PCDHA1: variants seen among roughly 807,000 people sequenced by gnomAD.
PCDHA1 encodes the protein protocadherin alpha 1.
Under a neutral mutation model 61.3 loss-of-function variants are expected in PCDHA1, and 42 were observed. The ratio of observed to expected loss-of-function variants is 0.69; its 90% confidence interval spans 0.54 to 0.89. The LOEUF (loss-of-function observed/expected upper bound fraction) is 0.89, where lower values mean the gene tolerates loss of function less well. PCDHA1 is among the 40% of genes least tolerant of loss of function. The pLI is 0.00. For missense variants in PCDHA1, 1,256 were observed against 1,235.3 expected (o/e 1.02, Z -0.25); for synonymous variants, 610 against 553.8 (o/e 1.10, Z -1.43).
At position 140,836,007 on chromosome 5, in the gene PCDHA1, G is replaced by T. The variant is rs2150250458; in HGVS notation, c.2394+47323G>T. The T allele has an allele frequency of 5.0e-5, 81 of 1,613,178 alleles. 3 individuals are homozygous for T. In the East Asian group the frequency reaches 1.3e-3, roughly 27 times the overall value. On this transcript the variant is annotated intron_variant, in intron 1 of 3. Transcript: ENST00000504120. ...CCAGGTGAGCGCGCGCGATGCGGGC[G>T]TGCCGCCTCTGGGCAGCAACGTGAC...
chr5:140,983,523 T>G (rs1186391173), intron 3 of PCDHA1, among the ~76,000 whole-genome samples: 1 of 152,224 alleles, frequency 6.6e-6, no homozygotes, highest in East Asian at 1.9e-4. Flanking sequence ...CTGTGCCAAG[T>G]ACATTGTATG....
In PCDHA1 at chr5:140,788,410, T is replaced by G. The variant is rs782121889; in HGVS notation, c.2120T>G (p.Val707Gly). 1.7e-5 allele frequency: 27 copies of G among 1,613,954 alleles called. No individual in the cohort carries two copies. The highest frequency in any genetic ancestry group is 1.7e-5 in the Non-Finnish European group (20 of 1,179,972). ...TACCTGATCATCGCCATCTGCGCGG[T>G]GTCCAGCCTGCTGGTGCTCACACTG... is the stretch of plus-strand genomic sequence containing the variant. ...NVYLIIAICA[V>G]SSLLVLTLLL... Residue 707 changes from valine to glycine, a missense_variant, in exon 1 of 4, where the codon GTG becomes GGG. By Grantham distance (109) the Val-to-Gly change is moderately radical. Coordinates refer to ENST00000504120, the MANE Select transcript of PCDHA1 (RefSeq NM_018900.4).
chr5:140,987,999 C>T (rs543796200), intron 3 of PCDHA1, among the ~76,000 whole-genome samples: 3 of 152,292 alleles, frequency 2.0e-5, no homozygotes, highest in African/African-American at 7.2e-5. Context: ...TCTGATCCTT[C>T]CCCAGAAAGA....
At chr5:140,870,507 A>C (rs782584168) in intron 1 of PCDHA1, 1 of 1,614,128 alleles carries the variant, frequency 6.2e-7, no homozygotes, top group Non-Finnish European at 8.5e-7. Context: ...AGAACAACCC[A>C]CCAGGCTGCC....
In PCDHA1 at chr5:140,891,823, C is replaced by T. The variant is rs186209593; in HGVS notation, c.2395-87126C>T. On this transcript the variant is annotated intron_variant, in intron 1 of 3. Transcript: ENST00000504120. ...TGCCCTCATGAATAAATTAACGGCACTGTAAAAGGACTTGATGGAAGGAGC... is the reference window on the plus strand; with the variant it reads ...TGCCCTCATGAATAAATTAACGGCATTGTAAAAGGACTTGATGGAAGGAGC... Among the ~76,000 whole-genome samples, 1,217 of 152,254 alleles carry T rather than the reference C, an allele frequency of 8.0e-3. 6 individuals carry two copies. The highest frequency in any genetic ancestry group is 0.019 in the African/African-American group (784 of 41,536).
chr5:140,788,762 T>C (rs2149898695), intron 1 of PCDHA1, 78 bp downstream of exon 1: 3 of 1,462,070 alleles, frequency 2.1e-6, no homozygotes, highest in East Asian at 4.7e-5. Flanking sequence ...AATATCACTT[T>C]AAAAAATGTC....
intron 1 of PCDHA1, among the ~76,000 whole-genome samples, chr5:140,904,631 G>A (rs150616068): frequency 0.029 from 4,338 of 152,074 alleles, 82 homozygotes; most frequent in Non-Finnish European, 0.044. Flanking sequence ...GTTCTTTAAG[G>A]AATCTCCACA....
intron 1 of PCDHA1, chr5:140,968,828 C>T (rs1404451202): frequency 6.2e-7 from 1 of 1,614,198 alleles, no homozygotes; most frequent in South Asian, 1.1e-5. Context: ...TTCCAAAATC[C>T]TCCCTGACAC....
intron 1 of PCDHA1, chr5:140,823,652 A>G: frequency 6.2e-7 from 1 of 1,613,972 alleles, no homozygotes; most frequent in Non-Finnish European, 8.5e-7. Context: ...GTGGGGCTGT[A>G]CACAGGCGAG....
At chr5:140,806,727 CAGTT>C (rs1763774653) in intron 1 of PCDHA1, among the ~76,000 whole-genome samples, 1 of 152,180 alleles carries the variant, frequency 6.6e-6, no homozygotes, top group Non-Finnish European at 1.5e-5. Context: ...CAACAGTTTA[CAGTT>C]ACATGTTTAC....
chr5:140,834,415 G>A, intron 1 of PCDHA1: 1 of 1,611,536 alleles, frequency 6.2e-7, no homozygotes, highest in Non-Finnish European at 8.5e-7. Flanking sequence ...GACCCAGGGG[G>A]CCGACATCTA....
At chr5:140,832,758 A>G (rs1554133636) in intron 1 of PCDHA1, among the ~76,000 whole-genome samples, 1 of 152,224 alleles carries the variant, frequency 6.6e-6, no homozygotes, top group Non-Finnish European at 1.5e-5. Flanking sequence ...AGTAAAAGCA[A>G]GAATATTGTA....
At position 140,787,308 on chromosome 5, in the gene PCDHA1, G is replaced by C; in HGVS notation, c.1018G>C (p.Val340Leu). The C allele has an allele frequency of 1.2e-6, 2 of 1,614,204 alleles. No individual in the cohort carries two copies. Among genetic ancestry groups the C allele is most frequent in the South Asian group, 2.2e-5 (2 of 91,088 alleles). Residue 340 changes from valine (V) to leucine (L), a missense_variant, in exon 1 of 4, where the codon GTG (valine) becomes CTG (leucine). Transcript: ENST00000504120. ...AAATCACTGTAAGGTTTTGGTGAAA[G>C]TGCTGGATGTAAATGATAATGCTCC... The part of the protein sequence containing the change: ...MSNHCKVLVK[V>L]LDVNDNAPEL...
chr5:140,991,433 T>G (rs1441155854), intron 3 of PCDHA1, among the ~76,000 whole-genome samples: 1 of 152,194 alleles, frequency 6.6e-6, no homozygotes, highest in Non-Finnish European at 1.5e-5. Context: ...AACCATAAAC[T>G]TCATGGCTTA....
intron 1 of PCDHA1, chr5:140,834,304 A>C: frequency 7.6e-7 from 1 of 1,322,818 alleles, no homozygotes; most frequent in Non-Finnish European, 1.0e-6. Context: ...ACACATCGAG[A>C]TTGAAATGAA....
rs1022391836 is a variant in PCDHA1 at position 140,787,655 on chromosome 5, C to G, written c.1365C>G (p.Phe455Leu). Residue 455 changes from phenylalanine to leucine, a missense_variant, in exon 1 of 4, where the codon TTC becomes TTG. Physicochemically the swap from Phe to Leu is conservative, Grantham distance 22. Coordinates refer to ENST00000504120, the MANE Select transcript of PCDHA1 (RefSeq NM_018900.4). ...VADVNDNAPAFAQPEYTVFVK... is the reference protein window; with the variant it reads ...VADVNDNAPALAQPEYTVFVK... The stretch of plus-strand genomic sequence containing the variant: ...ACGTGAATGACAACGCGCCTGCGTT[C>G]GCGCAGCCCGAGTACACAGTATTCG... 1 of 1,613,568 alleles carries G rather than the reference C, an allele frequency of 6.2e-7. No individual in the cohort carries two copies. Among genetic ancestry groups the G allele is most frequent in the Non-Finnish European group, 8.5e-7 (1 of 1,179,876 alleles).
chr5:141,005,701 CAAAAAAAAAAAAA>C (rs59860837), intron 3 of PCDHA1, among the ~76,000 whole-genome samples: 12 of 7,786 alleles, frequency 1.5e-3, no homozygotes, highest in Non-Finnish European at 2.7e-3. Context: ...AACTCCGTCT[CAAAAAAAAAAAAA>C]AAAAAAAAAA....
intron 1 of PCDHA1, among the ~76,000 whole-genome samples, chr5:140,846,211 C>T (rs1393164051): frequency 6.7e-6 from 1 of 149,252 alleles, no homozygotes; most frequent in Non-Finnish European, 1.5e-5. Flanking sequence ...GAGATCTTTC[C>T]ATTAATAGTA....
chr5:140,965,496 ATTT>A (rs71766133), intron 1 of PCDHA1, among the ~76,000 whole-genome samples: 1 of 146,428 alleles, frequency 6.8e-6, no homozygotes. Flanking sequence ...ATGACAGCAG[ATTT>A]TTTTTTTTTT....
Sources: allele counts gnomAD v4.1 joint callset (sites outside exome capture counted in the v4.1 genomes callset), GRCh38; gene constraint gnomAD v4.1.1; transcripts MANE v1.5; gene names NCBI Gene and HGNC (gene_info 2026-07-23, HGNC 2026-07-21).